Variants in ASAH2 observed in about 807,000 individuals in gnomAD.
ASAH2 encodes N-acylsphingosine amidohydrolase 2, also known as neutral ceramidase.
ASAH2 carries 58 observed loss-of-function variants against 82.9 expected under a neutral mutation model. That is an observed-to-expected ratio of 0.70 (90% CI 0.57 to 0.87). The LOEUF (loss-of-function observed/expected upper bound fraction) is 0.87, where lower values mean the gene tolerates loss of function less well. Among genes scored for constraint, ASAH2 ranks in the 40% least tolerant of loss-of-function variants. ASAH2 has a pLI of 0.00. For missense variants in ASAH2, 779 were observed against 834.0 expected (o/e 0.93, Z 0.81); for synonymous variants, 276 against 289.7 (o/e 0.95, Z 0.48).
At chr10:50,239,793 C>G (rs1846246803) in intron 4 of ASAH2, among the ~76,000 whole-genome samples, 1 of 147,978 alleles carries the variant, frequency 6.8e-6, no homozygotes, top group African/African-American at 2.5e-5. Flanking sequence ...TAAGTACTGG[C>G]TTTTATGTCT....
intron 3 of ASAH2, among the ~76,000 whole-genome samples, chr10:50,244,626 C>T (rs1846396722): frequency 6.6e-6 from 1 of 152,198 alleles, no homozygotes; most frequent in Non-Finnish European, 1.5e-5. Flanking sequence ...ATACCTGACA[C>T]ATAGAAGTTT....
intron 10 of ASAH2, among the ~76,000 whole-genome samples, chr10:50,211,613 C>T (rs1418733264): frequency 6.6e-6 from 1 of 152,164 alleles, no homozygotes; most frequent in Non-Finnish European, 1.5e-5. Context: ...CGCCCACCCA[C>T]AATCCACTCT....
chr10:50,199,858 T>C (rs1200822407), intron 16 of ASAH2, among the ~76,000 whole-genome samples: 1 of 151,706 alleles, frequency 6.6e-6, no homozygotes, highest in Admixed American at 6.6e-5. Context: ...TTTCCTGTCT[T>C]ACTTTCTCCT....
At chr10:50,230,784 G>C (rs1470895460) in intron 7 of ASAH2, among the ~76,000 whole-genome samples, 1 of 152,104 alleles carries the variant, frequency 6.6e-6, no homozygotes, top group South Asian at 2.1e-4. Context: ...GCTCACACCT[G>C]TAATCCAAGC....
chr10:50,217,001 T>C lies in ASAH2; in HGVS notation c.1014+1509A>G, dbSNP rs529013839. ...AACTCATGTTGAAATTTGATCTCCA[T>C]TGTGGCATTGCTGAGAGCTGTAGCC... is the stretch of plus-strand genomic sequence containing the variant. On this transcript the variant is annotated intron_variant, in intron 8 of 20. Transcript: ENST00000682911. Among the ~76,000 whole-genome samples, 1,007 of 152,248 alleles carry C rather than the reference T, an allele frequency of 6.6e-3. 13 individuals are homozygous for C. Among genetic ancestry groups the C allele is most frequent in the African/African-American group, 0.023 (958 of 41,550 alleles).
At chr10:50,202,737 G>T in intron 16 of ASAH2, 92 bp downstream of exon 16, 1 of 897,486 alleles carries the variant, frequency 1.1e-6, no homozygotes, top group South Asian at 1.3e-5. Flanking sequence ...TCAGAAACAT[G>T]ACTGGGAAAG....
intron 8 of ASAH2, among the ~76,000 whole-genome samples, chr10:50,218,234 A>G (rs1223207430): frequency 1.3e-5 from 2 of 152,236 alleles, no homozygotes; most frequent in Non-Finnish European, 2.9e-5. Flanking sequence ...CTACTGTTAT[A>G]AAAATCTTGA....
intron 5 of ASAH2, 147 bp downstream of exon 5, chr10:50,235,741 A>T (rs1846143621): frequency 1.2e-6 from 1 of 855,670 alleles, no homozygotes; most frequent in Non-Finnish European, 1.9e-6. Flanking sequence ...AGAAGCTAAG[A>T]TAGAGTCAGG....
At chr10:50,205,909 T>C (rs1407059472) in intron 13 of ASAH2, 73 bp downstream of exon 13, 6 of 1,170,876 alleles carry the variant, frequency 5.1e-6, no homozygotes, top group East Asian at 2.3e-5. Flanking sequence ...ATATCTACCA[T>C]TCATTACCTG....
intron 12 of ASAH2, among the ~76,000 whole-genome samples, chr10:50,209,783 A>G (rs2133205733): frequency 6.6e-6 from 1 of 152,350 alleles, no homozygotes; most frequent in Non-Finnish European, 1.5e-5. Flanking sequence ...CGCACATGAA[A>G]AGGTGTTTGA....
rs761525494 is a variant in ASAH2, at chr10:50,245,330, A to C, written c.252T>G (p.Thr84=). Residue 84 remains threonine, a synonymous_variant, in exon 3 of 21, where the codon ACT becomes ACG. Coordinates refer to ENST00000682911, the MANE Select transcript of ASAH2 (RefSeq NM_019893.4). Reference sequence around the variant, plus strand: ...ACTCTGGGGTTAAAGGCACTGGAGAAGTTTGAGTGGCTGTGGAGCTCTGGG... The same window carrying C: ...ACTCTGGGGTTAAAGGCACTGGAGACGTTTGAGTGGCTGTGGAGCTCTGGG... The part of the protein sequence containing the change: ...TATQSSTATQ[T]SPVPLTPESP... 15 of 1,613,990 alleles carry C rather than the reference A, an allele frequency of 9.3e-6. 1 individual carries two copies. In the South Asian group the frequency reaches 1.2e-4, roughly 13 times the overall value.
At chr10:50,221,698 GGATAGATAGATAGATA>G (rs199560545) in intron 7 of ASAH2, among the ~76,000 whole-genome samples, 9 of 147,350 alleles carry the variant, frequency 6.1e-5, no homozygotes, top group South Asian at 4.4e-4. Context: ...ATAGATGGAT[GGATAGATAGATAGATA>G]GATAGATAGA....
At position 50,218,438 on chromosome 10, in the gene ASAH2, C is replaced by G. The variant is rs2133212787; in HGVS notation, c.1014+72G>C. On this transcript the variant is annotated intron_variant, in intron 8 of 20. Coordinates refer to ENST00000682911, the MANE Select transcript of ASAH2 (RefSeq NM_019893.4). ...ACTTTATTCTGGAGATTTGAATCAC[C>G]TCTTCTGAATGCAGCATGAATGATG... The G allele has an allele frequency of 4.4e-6, 7 of 1,602,904 alleles. No individual in the cohort carries two copies. In the South Asian group the frequency reaches 6.6e-5, roughly 15 times the overall value.
In ASAH2 at chr10:50,245,355, G is replaced by A. The variant is rs1405033925; in HGVS notation, c.227C>T (p.Thr76Ile). The A allele has an allele frequency of 1.9e-6, 3 of 1,613,956 alleles. No homozygotes were observed. The highest frequency in any genetic ancestry group is 1.1e-5 in the South Asian group (1 of 91,072). ...RSTATQHSTATQSSTATQTSP... is the reference protein window; with the variant it reads ...RSTATQHSTAIQSSTATQTSP... ...AGTTTGAGTGGCTGTGGAGCTCTGG[G>A]TGGCTGTGGAATGCTGGGTGGCTGT... is the stretch of plus-strand genomic sequence containing the variant. The change falls in exon 3 of 21, where the codon ACC becomes ATC. Residue 76 changes from threonine (T) to isoleucine (I), a missense_variant. Thr to Ile is a moderately conservative substitution (Grantham distance 89). This residue lies in a region of ASAH2 where 759 missense variants were observed against 755.2 expected (regional missense o/e 1.00). Transcript: ENST00000682911.
At chr10:50,206,902 G>T (rs1216368976) in intron 12 of ASAH2, among the ~76,000 whole-genome samples, 9 of 151,868 alleles carry the variant, frequency 5.9e-5, no homozygotes, top group African/African-American at 1.9e-4. Flanking sequence ...ACGTGCACAT[G>T]AAATATTATC....
intron 12 of ASAH2, among the ~76,000 whole-genome samples, chr10:50,207,530 A>G (rs2338748): frequency 0.15 from 22,692 of 151,480 alleles, 2,002 homozygotes; most frequent in East Asian, 0.33. Context: ...ATAAAGGAAA[A>G]CTATAAGTAG....
chr10:50,242,287 T>C (rs1213906204), intron 4 of ASAH2, among the ~76,000 whole-genome samples: 2 of 152,136 alleles, frequency 1.3e-5, no homozygotes, highest in Non-Finnish European at 2.9e-5. Flanking sequence ...AGGCTTCCGC[T>C]CTCCTCCCCA....
At chr10:50,246,931 A>G (rs1846473079) in intron 2 of ASAH2, among the ~76,000 whole-genome samples, 1 of 152,204 alleles carries the variant, frequency 6.6e-6, no homozygotes, top group African/African-American at 2.4e-5. Flanking sequence ...CCCCAAGCGT[A>G]AAATGAAACT....
Position 50,193,549 on chromosome 10 carries a change from A to AGTTGT in ASAH2, c.2005-838_2005-837insACAAC, listed in dbSNP as rs1405919138. 4.4e-4 allele frequency among the ~76,000 whole-genome samples: 66 copies of AGTTGT among 151,658 alleles called. No individual in the cohort carries two copies. The South Asian group carries it at 5.2e-3, about 12-fold the overall frequency. On this transcript the variant is annotated intron_variant, in intron 18 of 20. Transcript: ENST00000682911. ...CAGAGAACAGTCCCCAGGCTCATAG[A>AGTTGT]GAGTTGTGACAAGATTCTGTTCCCA...
Sources: gnomAD v4.1 joint callset for allele counts (sites outside exome capture counted in the v4.1 genomes callset) on GRCh38, gnomAD v4.1.1 for gene constraint, gnomAD v4.1.1 regional missense constraint, MANE v1.5 for transcripts, NCBI Gene and HGNC (gene_info 2026-07-23, HGNC 2026-07-21) for gene names.